Variants in C3AR1 observed in about 807,000 individuals in gnomAD.
The protein encoded by C3AR1 is complement C3a receptor 1, also known as C3a anaphylatoxin chemotactic receptor.
For synonymous variants in C3AR1, 208 were observed against 225.3 expected, an observed-to-expected ratio of 0.92 and a Z score of 0.69; for missense variants, 579 against 583.5, an observed-to-expected ratio of 0.99 and a Z score of 0.08.
At position 8,059,998 on chromosome 12, in the gene C3AR1, T is replaced by C. The variant is rs1234467028; in HGVS notation, c.188A>G (p.His63Arg). ...QRTVNTIWFL[H>R]LTLADLLCCL... is the part of the protein sequence containing the mutation. Reference sequence around the variant, plus strand: ...GCAGAGGAGGTCCGCCAAGGTGAGGTGGAGGAACCAAATTGTGTTCACTGT... The same window carrying C: ...GCAGAGGAGGTCCGCCAAGGTGAGGCGGAGGAACCAAATTGTGTTCACTGT... The change falls in exon 2 of 2, where the codon CAC (histidine) becomes CGC (arginine). Residue 63 changes from histidine to arginine, a missense_variant. His to Arg is a conservative substitution (Grantham distance 29, BLOSUM62 0). Coordinates refer to ENST00000307637, the MANE Select transcript of C3AR1 (RefSeq NM_004054.4). 8.1e-6 allele frequency: 13 copies of C among 1,613,726 alleles called. No individual in the cohort carries two copies. The East Asian group carries it at 2.9e-4, about 36-fold the overall frequency.
rs1947220234 is a variant in C3AR1, at chr12:8,058,607, C to G, written c.*130G>C. ...ATGCTGATGTCAATAGTCTGTGTAC[C>G]GTTTGAGAACCGCTGGATTGATTCT... On this transcript the variant is annotated 3_prime_UTR_variant, in exon 2 of 2. Transcript: ENST00000307637. 1 of 1,008,802 alleles carries G rather than the reference C, an allele frequency of 9.9e-7. No homozygotes were observed. Among genetic ancestry groups the G allele is most frequent in the Non-Finnish European group, 1.5e-6 (1 of 680,620 alleles). The allele number at this position is 1,008,802 out of a possible 1,614,324, so 62.5% of individuals were successfully genotyped here.
At position 8,059,925 on chromosome 12, in the gene C3AR1, C is replaced by A; in HGVS notation, c.261G>T (p.Gln87His). ...TGCATAGGAACCTGCCGTAGGGCCA[C>A]TGTCCCTGGAGAGCCAAGTGAGCCA... Reference protein sequence around the residue: ...FSLAHLALQGQWPYGRFLCKL... With the variant: ...FSLAHLALQGHWPYGRFLCKL... Residue 87 changes from glutamine (Q) to histidine (H), a missense_variant, in exon 2 of 2, where the codon CAG (glutamine) becomes CAT (histidine). Transcript: ENST00000307637. 2 of 1,614,190 alleles carry A rather than the reference C, an allele frequency of 1.2e-6. No homozygotes were observed. The highest frequency in any genetic ancestry group is 1.7e-6 in the Non-Finnish European group (2 of 1,180,042).
chr12:8,061,816 C>T (rs1947277447), intron 1 of C3AR1, among the ~76,000 whole-genome samples: 1 of 152,154 alleles, frequency 6.6e-6, no homozygotes. Flanking sequence ...ACCATCTTCA[C>T]CATTTTTAAG....
Position 8,058,904 on chromosome 12 carries a change from T to C in C3AR1, c.1282A>G (p.Ser428Gly), listed in dbSNP as rs1947227644. ...GCATAAAGGAAGGGATTAAAGCAAC[T>C]ATTGGCAGATGCTAGAGCAATGCAT... is the stretch of plus-strand genomic sequence containing the variant. ...HVCIALASAN[S>G]CFNPFLYALL... is the part of the protein sequence containing the mutation. Residue 428 changes from serine to glycine, a missense_variant, in exon 2 of 2, where the codon AGT becomes GGT. Transcript: ENST00000307637. 6.2e-7 allele frequency: 1 copy of C among 1,614,218 alleles called. No individual in the cohort carries two copies. Among genetic ancestry groups the C allele is most frequent in the Non-Finnish European group, 8.5e-7 (1 of 1,180,034 alleles).
rs770480312 is a variant in C3AR1 at position 8,063,837 on chromosome 12, C to T, written c.-11+2441G>A. Among the ~76,000 whole-genome samples the T allele has an allele frequency of 6.6e-5, 10 of 152,004 alleles. No individual in the cohort carries two copies. In the East Asian group the frequency reaches 7.7e-4, roughly 12 times the overall value. On this transcript the variant is annotated intron_variant, in intron 1 of 1. Coordinates refer to ENST00000307637, the MANE Select transcript of C3AR1 (RefSeq NM_004054.4). Reference sequence around the variant, plus strand: ...CTGTAATCGCAGCACTTTGGGGGGCCGAGGGGAGAAGATCGCTTGGGGCTA... The same window carrying T: ...CTGTAATCGCAGCACTTTGGGGGGCTGAGGGGAGAAGATCGCTTGGGGCTA...
intron 1 of C3AR1, among the ~76,000 whole-genome samples, chr12:8,063,619 T>C (rs1947298975): frequency 6.6e-6 from 1 of 152,232 alleles, no homozygotes; most frequent in African/African-American, 2.4e-5. Context: ...TTTTTCATAT[T>C]CTATATGCAA....
chr12:8,058,672 A>T lies in C3AR1; in HGVS notation c.*65T>A. The T allele has an allele frequency of 6.6e-7, 1 of 1,518,052 alleles. No individual in the cohort carries two copies. The highest frequency in any genetic ancestry group is 8.9e-7 in the Non-Finnish European group (1 of 1,128,468). The allele number at this position is 1,518,052 out of a possible 1,614,324, so 94.0% of individuals were successfully genotyped here. ...AGTCCGCTGCTCACCATATCACTTC[A>T]TCCTCTTATAAACTTTCACTATGTG... On this transcript the variant is annotated 3_prime_UTR_variant, in exon 2 of 2. Transcript: ENST00000307637.
Position 8,058,098 on chromosome 12 carries a change from T to C in C3AR1, c.*639A>G, listed in dbSNP as rs1192948289. Among the ~76,000 whole-genome samples, 1 of 152,240 alleles carries C rather than the reference T, an allele frequency of 6.6e-6. No homozygotes were observed. The highest frequency in any genetic ancestry group is 2.4e-5 in the African/African-American group (1 of 41,460). On this transcript the variant is annotated 3_prime_UTR_variant, in exon 2 of 2. Transcript: ENST00000307637. ...AACTCTATGTAATAGTGGAAATTTC[T>C]ATATCCTGTACCCAGGGGTGTTCCC...
At chr12:8,065,653 C>CAAAAAAAA (rs753950088) in intron 1 of C3AR1, among the ~76,000 whole-genome samples, 1 of 72,332 alleles carries the variant, frequency 1.4e-5, no homozygotes, top group African/African-American at 4.8e-5. Flanking sequence ...GACTCTGTCT[C>CAAAAAAAA]AAAAAAAAAA....
intron 1 of C3AR1, among the ~76,000 whole-genome samples, chr12:8,063,305 C>T (rs1947296237): frequency 6.6e-6 from 1 of 152,086 alleles, no homozygotes; most frequent in African/African-American, 2.4e-5. Flanking sequence ...TTCCATAATT[C>T]TGCTAAAATT....
Position 8,058,338 on chromosome 12 carries a change from A to T in C3AR1, c.*399T>A, listed in dbSNP as rs776992871. ...GAAGACTTAGACAATGCTAAGGAAA[A>T]ATTTAATGATGGAAATATCGACAAA... is the stretch of plus-strand genomic sequence containing the variant. On this transcript the variant is annotated 3_prime_UTR_variant, in exon 2 of 2. Coordinates refer to ENST00000307637, the MANE Select transcript of C3AR1 (RefSeq NM_004054.4). 7 of 163,232 alleles carry T rather than the reference A, an allele frequency of 4.3e-5. No individual in the cohort carries two copies. The highest frequency in any genetic ancestry group is 6.7e-5 in the Non-Finnish European group (5 of 74,780). The allele number at this position is 163,232 out of a possible 1,614,324, so 10.1% of individuals were successfully genotyped here.
At chr12:8,061,444 C>CATTT (rs1389834526) in intron 1 of C3AR1, among the ~76,000 whole-genome samples, 3 of 151,560 alleles carry the variant, frequency 2.0e-5, no homozygotes, top group Non-Finnish European at 4.4e-5. Flanking sequence ...GACAGTGCTT[C>CATTT]ATTTATTTAT....
intron 1 of C3AR1, among the ~76,000 whole-genome samples, chr12:8,065,644 AC>A (rs1304391173): frequency 8.6e-6 from 1 of 115,832 alleles, no homozygotes; most frequent in Non-Finnish European, 1.6e-5. Flanking sequence ...ACAGAGTGAG[AC>A]TCTGTCTCAA....
intron 1 of C3AR1, among the ~76,000 whole-genome samples, chr12:8,063,080 C>A (rs1342670604): frequency 6.7e-6 from 1 of 149,508 alleles, no homozygotes; most frequent in Non-Finnish European, 1.5e-5. Context: ...GCCTCAGCCT[C>A]CCGAGGAGCT....
In C3AR1 at chr12:8,060,031, A is replaced by T. The variant is rs1947257771; in HGVS notation, c.155T>A (p.Met52Lys). 6.2e-7 allele frequency: 1 copy of T among 1,614,138 alleles called. No homozygotes were observed. Among genetic ancestry groups the T allele is most frequent in the Non-Finnish European group, 8.5e-7 (1 of 1,180,024 alleles). The change falls in exon 2 of 2, where the codon ATG becomes AAG. Residue 52 changes from methionine to lysine, a missense_variant. Transcript: ENST00000307637. Reference sequence around the variant, plus strand: ...CCAAATTGTGTTCACTGTCCGCTGCATCTTCAGGCCAGCCACCCACAGCAC... The same window carrying T: ...CCAAATTGTGTTCACTGTCCGCTGCTTCTTCAGGCCAGCCACCCACAGCAC... ...GLVLWVAGLK[M>K]QRTVNTIWFL...
rs201384442 is a variant in C3AR1, at chr12:8,059,467, T to C, written c.719A>G (p.Asp240Gly). ...CCTAGCAGAACCCCTAGGGAGTGAA[T>C]CTGCAGAAGGTCTTTGAAATGTTTG... ...QPQTFQRPSA[D>G]SLPRGSARLT... Residue 240 changes from aspartate to glycine, a missense_variant, in exon 2 of 2, where the codon GAT becomes GGT. Transcript: ENST00000307637. 74 of 1,613,974 alleles carry C rather than the reference T, an allele frequency of 4.6e-5. No individual in the cohort carries two copies. Among genetic ancestry groups the C allele is most frequent in the Non-Finnish European group, 5.8e-5 (69 of 1,180,004 alleles).
chr12:8,065,609 A>G (rs578104080), intron 1 of C3AR1, among the ~76,000 whole-genome samples: 3 of 140,388 alleles, frequency 2.1e-5, no homozygotes, highest in Non-Finnish European at 4.5e-5. Flanking sequence ...AGCTGAGATC[A>G]TGCTACTGTA....
rs200082467 is a variant in C3AR1 at position 8,059,235 on chromosome 12, A to G, written c.951T>C (p.Tyr317=). 3 of 1,614,186 alleles carry G rather than the reference A, an allele frequency of 1.9e-6. No individual in the cohort carries two copies. The highest frequency in any genetic ancestry group is 2.5e-6 in the Non-Finnish European group (3 of 1,180,024). ...ESELPQGFQD[Y]YNLGQFTDDD... ...CATCTGTGAATTGGCCTAAATTGTA[A>G]TAATCCTGGAAACCTTGTGGTAGCT... The change falls in exon 2 of 2, where the codon TAT becomes TAC. Residue 317 remains tyrosine (Y), a synonymous_variant. Transcript: ENST00000307637.
chr12:8,060,061 C>T lies in C3AR1; in HGVS notation c.125G>A (p.Gly42Glu), dbSNP rs1947258628. The T allele has an allele frequency of 6.2e-7, 1 of 1,614,094 alleles. No individual in the cohort carries two copies. Among genetic ancestry groups the T allele is most frequent in the Non-Finnish European group, 8.5e-7 (1 of 1,180,012 alleles). Residue 42 changes from glycine (G) to glutamate (E), a missense_variant, in exon 2 of 2, where the codon GGG becomes GAG. Transcript: ENST00000307637. Reference protein sequence around the residue: ...LTFLLGLPGNGLVLWVAGLKM... With the variant: ...LTFLLGLPGNELVLWVAGLKM... ...CAGGCCAGCCACCCACAGCACCAGC[C>T]CATTGCCTGGCAATCCCAGTAAAAA... is the stretch of plus-strand genomic sequence containing the variant.
Sources: allele counts gnomAD v4.1 joint callset (sites outside exome capture counted in the v4.1 genomes callset), GRCh38; gene constraint gnomAD v4.1.1; transcripts MANE v1.5; gene names NCBI Gene and HGNC (gene_info 2026-07-23, HGNC 2026-07-21).